Variants in CCNG1 observed in about 807,000 individuals in gnomAD.
CCNG1 encodes the protein cyclin-G1.
Under a neutral mutation model 30.0 loss-of-function variants are expected in CCNG1, and 13 were observed. That is an observed-to-expected ratio of 0.43 (90% CI 0.28 to 0.69). CCNG1 has a LOEUF of 0.69. Among genes scored for constraint, CCNG1 ranks in the 30% least tolerant of loss-of-function variants. The probability of loss-of-function intolerance (pLI) is 0.16; values close to 1 mark genes in which losing one functional copy is unlikely to be tolerated. For synonymous variants in CCNG1, 110 were observed against 121.5 expected, an observed-to-expected ratio of 0.91 and a Z score of 0.62; for missense variants, 285 against 331.4, an observed-to-expected ratio of 0.86 and a Z score of 1.09.
At chr5:163,457,010 T>C in the CCNG1 span, 3 of 1,613,654 alleles carry the variant, frequency 1.9e-6, no homozygotes, top group African/African-American at 4.0e-5. Flanking sequence ...CAGATTCTAG[T>C]AGAGAAGTCC....
chr5:163,451,519 T>A, the CCNG1 span: 1 of 152,152 alleles, frequency 6.6e-6, no homozygotes, highest in Non-Finnish European at 1.5e-5. Flanking sequence ...AAAAAGTTAA[T>A]TTTACTTTAC....
chr5:163,439,558 G>A (rs749482417), intron 2 of CCNG1, 38 bp downstream of exon 2: 1 of 1,564,894 alleles, frequency 6.4e-7, no homozygotes, highest in Non-Finnish European at 8.7e-7. Context: ...TTTGCTCAGT[G>A]TGTTTTGGAG....
chr5:163,442,187 G>T (rs369000594), intron 5 of CCNG1, 44 bp downstream of exon 5: 1 of 1,326,564 alleles, frequency 7.5e-7, no homozygotes, highest in African/African-American at 1.5e-5. Context: ...AGCTGTAAAA[G>T]AAACTAAACC....
chr5:163,438,842 A>G (rs1404855377), intron 1 of CCNG1, among the ~76,000 whole-genome samples: 1 of 152,202 alleles, frequency 6.6e-6, no homozygotes, highest in Non-Finnish European at 1.5e-5. Context: ...CCTGGCCAAC[A>G]TGGTGAAACC....
intron 2 of CCNG1, among the ~76,000 whole-genome samples, chr5:163,440,575 A>AC (rs1757760690): frequency 6.6e-6 from 1 of 152,170 alleles, no homozygotes; most frequent in African/African-American, 2.4e-5. Flanking sequence ...ATTAAATGAT[A>AC]AAGATTAGTA....
chr5:163,454,455 C>T, the CCNG1 span, among the ~76,000 whole-genome samples: 1 of 152,160 alleles, frequency 6.6e-6, no homozygotes, highest in South Asian at 2.1e-4. Flanking sequence ...GATTCTCCTG[C>T]CTAAGCCTCC....
chr5:163,454,364 G>A, the CCNG1 span, among the ~76,000 whole-genome samples: 3 of 151,766 alleles, frequency 2.0e-5, no homozygotes, highest in African/African-American at 4.8e-5. Context: ...TTTTTGAGAC[G>A]GAGTTTCGCT....
chr5:163,442,486 C>G lies in CCNG1; in HGVS notation c.809C>G (p.Ser270Cys), dbSNP rs752488513. 28 of 1,613,984 alleles carry G rather than the reference C, an allele frequency of 1.7e-5. No individual in the cohort carries two copies. In the East Asian group the frequency reaches 6.2e-4, roughly 36 times the overall value. Residue 270 changes from serine to cysteine, a missense_variant, in exon 6 of 7, where the codon TCT becomes TGT. Physicochemically the swap from Ser to Cys is moderately radical, Grantham distance 112. Transcript: ENST00000340828. ...GTTCAGAAGTTGAAATGGATTGTTT[C>G]TGGGCGTACTGCACGGCAATTGAAG... Reference protein sequence around the residue: ...PNVQKLKWIVSGRTARQLKHS... With the variant: ...PNVQKLKWIVCGRTARQLKHS...
At chr5:163,440,844 A>G (rs1757778821) in intron 2 of CCNG1, among the ~76,000 whole-genome samples, 1 of 152,204 alleles carries the variant, frequency 6.6e-6, no homozygotes, top group Non-Finnish European at 1.5e-5. Flanking sequence ...TGCTGAGCCA[A>G]ACATTATACT....
At chr5:163,440,995 G>C in intron 2 of CCNG1, 83 bp from the exon 3 acceptor site, 2 of 1,392,196 alleles carry the variant, frequency 1.4e-6, no homozygotes, top group Admixed American at 4.5e-5. Flanking sequence ...AAAATGTTGG[G>C]TCGGAGTTCT....
chr5:163,443,581 A>G, intron 6 of CCNG1, 93 bp from the exon 7 acceptor site: 1 of 683,040 alleles, frequency 1.5e-6, no homozygotes, highest in Non-Finnish European at 2.6e-6. Flanking sequence ...GTGATTATGA[A>G]TATTAGATAT....
rs753569224 is a variant in CCNG1, at chr5:163,439,507, T to A, written c.251T>A (p.Leu84Gln). The change falls in exon 2 of 7, where the codon CTG becomes CAG. Residue 84 changes from leucine (L) to glutamine (Q), a missense_variant. Physicochemically the swap from Leu to Gln is moderately radical, Grantham distance 113. Transcript: ENST00000340828. ...GCTGTGAATTTACTGGACAGATTCC[T>A]GTCTAAAATGAAGGTATGTTTGAAG... is the stretch of plus-strand genomic sequence containing the variant. ...SLAVNLLDRF[L>Q]SKMKVQPKHL... 6.8e-6 allele frequency: 11 copies of A among 1,612,642 alleles called. No homozygotes were observed. In the South Asian group the frequency reaches 1.1e-4, roughly 16 times the overall value.
Position 163,444,131 on chromosome 5 carries a change from C to G in CCNG1, c.*461C>G, listed in dbSNP as rs1757963293. ...GGTTTATGTCAAAAGCAACATTTCA[C>G]AAATGTACTTTTAAGGCATAATAAG... On this transcript the variant is annotated 3_prime_UTR_variant, in exon 7 of 7. Transcript: ENST00000340828. The G allele has an allele frequency of 6.2e-6, 1 of 160,744 alleles. No individual in the cohort carries two copies. The highest frequency in any genetic ancestry group is 2.4e-5 in the African/African-American group (1 of 41,630). The allele number at this position is 160,744 out of a possible 1,614,324, so 10.0% of individuals were successfully genotyped here. A position where few individuals can be genotyped will look rare whatever the true frequency, so the allele number is the denominator to read the frequency against.
At chr5:163,443,176 G>T (rs551363419) in intron 6 of CCNG1, among the ~76,000 whole-genome samples, 52 of 152,228 alleles carry the variant, frequency 3.4e-4, no homozygotes, top group African/African-American at 1.2e-3. Flanking sequence ...GCCAGTCGCG[G>T]TGGCGGGCGC....
In CCNG1 at chr5:163,440,452, CAAG is replaced by C. The variant is rs200380688; in HGVS notation, c.265-621_265-619del. Among the ~76,000 whole-genome samples the C allele has an allele frequency of 9.2e-3, 1,402 of 152,126 alleles. 19 individuals are homozygous for C. Among genetic ancestry groups the C allele is most frequent in the African/African-American group, 0.031 (1,279 of 41,484 alleles). ...CATAAGTGTACTGCTGAAGAGTTTA[CAAG>C]AAGAGAGAGAGCACAGAGATATTAA... On this transcript the variant is annotated intron_variant, in intron 2 of 6. Transcript: ENST00000340828.
the CCNG1 span, chr5:163,457,520 C>A: frequency 8.5e-7 from 1 of 1,174,642 alleles, no homozygotes; most frequent in Non-Finnish European, 1.3e-6. Context: ...GATATCAAGA[C>A]AAAATTATTT....
intron 2 of CCNG1, 159 bp downstream of exon 2, chr5:163,439,679 C>G (rs1227551346): frequency 1.6e-6 from 1 of 615,892 alleles, no homozygotes. Flanking sequence ...TTATCATAAT[C>G]AAGAGTAGTA....
Position 163,439,504 on chromosome 5 carries a change from T to C in CCNG1, c.248T>C (p.Phe83Ser), listed in dbSNP as rs1478367026. 6.2e-7 allele frequency: 1 copy of C among 1,612,950 alleles called. No individual in the cohort carries two copies. Among genetic ancestry groups the C allele is most frequent in the African/African-American group, 1.3e-5 (1 of 74,874 alleles). ...FSLAVNLLDR[F>S]LSKMKVQPKH... is the part of the protein sequence containing the mutation. The stretch of plus-strand genomic sequence containing the variant: ...CTAGCTGTGAATTTACTGGACAGAT[T>C]CCTGTCTAAAATGAAGGTATGTTTG... The change falls in exon 2 of 7, where the codon TTC becomes TCC. Residue 83 changes from phenylalanine to serine, a missense_variant. Physicochemically the swap from Phe to Ser is radical, Grantham distance 155. Coordinates refer to ENST00000340828, the MANE Select transcript of CCNG1 (RefSeq NM_004060.4).
chr5:163,455,735 G>GAAA, the CCNG1 span, among the ~76,000 whole-genome samples: 1 of 108,806 alleles, frequency 9.2e-6, no homozygotes, highest in Non-Finnish European at 2.0e-5. Flanking sequence ...CTCCATCTCA[G>GAAA]AAAAAAAAAA....
Sources: allele counts gnomAD v4.1 joint callset (sites outside exome capture counted in the v4.1 genomes callset), GRCh38; gene constraint gnomAD v4.1.1; transcripts MANE v1.5; gene names NCBI Gene and HGNC (gene_info 2026-07-23, HGNC 2026-07-21).